GULP1: variants seen among roughly 807,000 people sequenced by gnomAD.
The protein encoded by GULP1 is PTB domain-containing engulfment adapter protein 1.
Under a neutral mutation model 40.9 loss-of-function variants are expected in GULP1, and 19 were observed. The ratio of observed to expected loss-of-function variants is 0.46; its 90% CI spans 0.32 to 0.68. The LOEUF is 0.68. Ranked by LOEUF, GULP1 falls within the 30% of genes least tolerant of loss-of-function variation. The pLI is 0.03. For synonymous variants in GULP1, 119 were observed against 117.6 expected (o/e 1.01, Z -0.08); for missense variants, 312 against 362.2 (o/e 0.86, Z 1.12).
intron 6 of GULP1, among the ~76,000 whole-genome samples, chr2:188,531,506 C>T (rs1687528541): frequency 6.6e-6 from 1 of 152,118 alleles, no homozygotes; most frequent in Non-Finnish European, 1.5e-5. Context: ...CAACAATTAT[C>T]CTGTCTAATC....
intron 1 of GULP1, among the ~76,000 whole-genome samples, chr2:188,376,833 A>T (rs1226603827): frequency 1.3e-5 from 2 of 152,192 alleles, no homozygotes; most frequent in African/African-American, 4.8e-5. Context: ...TACTAAAAAG[A>T]TCAAATACTT....
intron 1 of GULP1, among the ~76,000 whole-genome samples, chr2:188,320,402 T>C (rs755657205): frequency 1.3e-5 from 2 of 152,180 alleles, no homozygotes; most frequent in Non-Finnish European, 2.9e-5. Context: ...ATTTGCTGCA[T>C]CATTACATGG....
intron 2 of GULP1, among the ~76,000 whole-genome samples, chr2:188,414,735 G>A (rs1279799931): frequency 6.6e-6 from 1 of 152,132 alleles, no homozygotes; most frequent in Non-Finnish European, 1.5e-5. Context: ...GTGACAGGAA[G>A]ATAATTTCAA....
chr2:188,402,805 A>G lies in GULP1; in HGVS notation c.-45+18916A>G, dbSNP rs1231295964. On this transcript the variant is annotated intron_variant, in intron 2 of 11. Coordinates refer to ENST00000409830, the MANE Select transcript of GULP1 (RefSeq NM_016315.4). Reference sequence around the variant, plus strand: ...CCTAGGATTTTTAACAGTAATAATAATAATAATAATGGCCAACACTTACAT... The same window carrying G: ...CCTAGGATTTTTAACAGTAATAATAGTAATAATAATGGCCAACACTTACAT... Among the ~76,000 whole-genome samples the G allele has an allele frequency of 2.0e-5, 3 of 152,164 alleles. No homozygotes were observed. The East Asian group carries it at 5.8e-4, about 29-fold the overall frequency.
intron 6 of GULP1, among the ~76,000 whole-genome samples, chr2:188,535,791 G>T (rs1443914299): frequency 6.6e-6 from 1 of 152,142 alleles, no homozygotes; most frequent in Non-Finnish European, 1.5e-5. Flanking sequence ...CATAGTGGCT[G>T]AACTAAATTA....
intron 2 of GULP1, among the ~76,000 whole-genome samples, chr2:188,425,606 T>C (rs191807854): frequency 7.9e-4 from 120 of 152,288 alleles, no homozygotes; most frequent in Non-Finnish European, 1.3e-3. Context: ...CTTACATTTA[T>C]ATCTCTTTTC....
rs545475385 is a variant in GULP1, at chr2:188,585,613, G to A, written c.748+1210G>A. ...ACCCCATGAAGCAATGGCTTGAGCT[G>A]TATCTTGGCCCCTTTTAGCCATGGC... On this transcript the variant is annotated intron_variant, in intron 10 of 11. Transcript: ENST00000409830. 6.6e-5 allele frequency among the ~76,000 whole-genome samples: 10 copies of A among 152,330 alleles called. No individual in the cohort carries two copies. The South Asian group carries it at 1.9e-3, about 28-fold the overall frequency.
At chr2:188,345,730 G>C (rs530915485) in intron 1 of GULP1, among the ~76,000 whole-genome samples, 1 of 152,266 alleles carries the variant, frequency 6.6e-6, no homozygotes, top group Non-Finnish European at 1.5e-5. Context: ...TTTCATTTAA[G>C]ATTAAAAAGA....
intron 2 of GULP1, among the ~76,000 whole-genome samples, chr2:188,405,832 C>T (rs948527498): frequency 1.3e-5 from 2 of 152,212 alleles, no homozygotes; most frequent in African/African-American, 4.8e-5. Flanking sequence ...CAAAACTAGT[C>T]TGCAAAGACT....
chr2:188,350,253 A>G (rs1387929326), intron 1 of GULP1, among the ~76,000 whole-genome samples: 1 of 152,092 alleles, frequency 6.6e-6, no homozygotes, highest in Non-Finnish European at 1.5e-5. Context: ...TGAAATTTTG[A>G]TAAGGATTGC....
At chr2:188,322,545 T>C (rs1208148900) in intron 1 of GULP1, among the ~76,000 whole-genome samples, 1 of 152,156 alleles carries the variant, frequency 6.6e-6, no homozygotes, top group African/African-American at 2.4e-5. Flanking sequence ...TCCAAATTTG[T>C]AGCTATTCTT....
intron 1 of GULP1, among the ~76,000 whole-genome samples, chr2:188,296,083 C>T (rs1161650557): frequency 6.6e-6 from 1 of 152,104 alleles, no homozygotes; most frequent in Non-Finnish European, 1.5e-5. Context: ...AACTGCATAA[C>T]TGCCATGAGC....
At chr2:188,497,911 T>C (rs1250884858) in intron 4 of GULP1, among the ~76,000 whole-genome samples, 1 of 151,986 alleles carries the variant, frequency 6.6e-6, no homozygotes, top group African/African-American at 2.4e-5. Flanking sequence ...CTCTAGATTA[T>C]GAACCAACAG....
chr2:188,444,225 G>A (rs1225501717), intron 2 of GULP1, among the ~76,000 whole-genome samples: 1 of 152,130 alleles, frequency 6.6e-6, no homozygotes, highest in Non-Finnish European at 1.5e-5. Flanking sequence ...ATAATATGAT[G>A]ACTGTAGTTA....
chr2:188,319,710 T>C (rs1322422862), intron 1 of GULP1, among the ~76,000 whole-genome samples: 3 of 152,150 alleles, frequency 2.0e-5, no homozygotes, highest in African/African-American at 7.2e-5. Context: ...TCCTTGTATA[T>C]GTGTGTGATC....
chr2:188,366,866 T>TA (rs1177025113), intron 1 of GULP1, among the ~76,000 whole-genome samples: 2 of 152,224 alleles, frequency 1.3e-5, no homozygotes, highest in African/African-American at 4.8e-5. Context: ...GTGCTGGGAT[T>TA]ACAGGCGTGA....
chr2:188,396,656 G>A (rs946824697), intron 2 of GULP1, among the ~76,000 whole-genome samples: 3 of 152,180 alleles, frequency 2.0e-5, no homozygotes, highest in Non-Finnish European at 2.9e-5. Flanking sequence ...AAGCTGGGAC[G>A]TCCAGCTCCT....
chr2:188,382,888 C>T (rs537029895), intron 1 of GULP1, among the ~76,000 whole-genome samples: 3 of 152,174 alleles, frequency 2.0e-5, no homozygotes, highest in East Asian at 3.9e-4. Flanking sequence ...ATTCAGATGG[C>T]TTAGATTGAA....
Position 188,594,587 on chromosome 2 carries a change from CAAT to C in GULP1, c.*582_*584del, listed in dbSNP as rs1456203510. ...GGTAAAATTATAAGGATATAAATTC[CAAT>C]AATAAACCAAATGTATTTAGAGTAT... On this transcript the variant is annotated 3_prime_UTR_variant, in exon 12 of 12. Coordinates refer to ENST00000409830, the MANE Select transcript of GULP1 (RefSeq NM_016315.4). The C allele has an allele frequency of 6.6e-6, 1 of 151,392 alleles. No homozygotes were observed. The highest frequency in any genetic ancestry group is 2.4e-5 in the African/African-American group (1 of 41,272). 9.4% of individuals were successfully genotyped at this position (151,392 alleles called of 1,614,324 possible). A position where few individuals can be genotyped will look rare whatever the true frequency, so the allele number is the denominator to read the frequency against.
Sources: gnomAD v4.1 joint callset for allele counts (sites outside exome capture counted in the v4.1 genomes callset) on GRCh38, gnomAD v4.1.1 for gene constraint, MANE v1.5 for transcripts, NCBI Gene and HGNC (gene_info 2026-07-23, HGNC 2026-07-21) for gene names.